TMEFF1: variants seen among roughly 807,000 people sequenced by gnomAD.
TMEFF1 encodes tomoregulin-1.
Under a neutral mutation model 47.5 loss-of-function variants are expected in TMEFF1, and 20 were observed. That is an observed-to-expected ratio of 0.42 (90% confidence interval 0.30 to 0.61). The LOEUF is 0.61. Among genes scored for constraint, TMEFF1 ranks in the 20% least tolerant of loss-of-function variants. The pLI, the probability that TMEFF1 is intolerant of heterozygous loss-of-function variation, is 0.19. For synonymous variants in TMEFF1, 162 were observed against 166.3 expected (o/e 0.97, Z 0.20); for missense variants, 411 against 471.1 (o/e 0.87, Z 1.18).
At chr9:100,558,708 C>G (rs150151645) in intron 7 of TMEFF1, among the ~76,000 whole-genome samples, 1 of 151,944 alleles carries the variant, frequency 6.6e-6, no homozygotes, top group African/African-American at 2.4e-5. Context: ...CAATTTATAA[C>G]TGTTTTTTCT....
chr9:100,488,594 A>T (rs1168394271), intron 1 of TMEFF1, among the ~76,000 whole-genome samples: 1 of 152,222 alleles, frequency 6.6e-6, no homozygotes, highest in East Asian at 1.9e-4. Flanking sequence ...GCTTACACTT[A>T]ATAGAGTACT....
At chr9:100,502,957 C>T (rs779715964) in intron 2 of TMEFF1, among the ~76,000 whole-genome samples, 2 of 152,152 alleles carry the variant, frequency 1.3e-5, no homozygotes, top group Non-Finnish European at 2.9e-5. Flanking sequence ...TGCCTCAGGG[C>T]TTACAGTATA....
At chr9:100,485,158 C>T (rs532571092) in intron 1 of TMEFF1, among the ~76,000 whole-genome samples, 1 of 152,184 alleles carries the variant, frequency 6.6e-6, no homozygotes, top group Admixed American at 6.5e-5. Context: ...ATTTCATTGT[C>T]TCGATAATAC....
chr9:100,480,668 A>C lies in TMEFF1; in HGVS notation c.196+6928A>C, dbSNP rs115146697. Among the ~76,000 whole-genome samples the C allele has an allele frequency of 4.9e-3, 749 of 152,300 alleles. 4 individuals carry two copies. Among genetic ancestry groups the C allele is most frequent in the African/African-American group, 0.017 (703 of 41,558 alleles). Reference sequence around the variant, plus strand: ...ATTATGGGTGTGATTTATCTAAGGAAGTGGGGAACTGTGTTTGGCAGACTT... The same window carrying C: ...ATTATGGGTGTGATTTATCTAAGGACGTGGGGAACTGTGTTTGGCAGACTT... On this transcript the variant is annotated intron_variant, in intron 1 of 9. Transcript: ENST00000374879.
intron 9 of TMEFF1, among the ~76,000 whole-genome samples, chr9:100,575,196 G>A (rs1054072808): frequency 1.3e-5 from 2 of 152,074 alleles, no homozygotes; most frequent in African/African-American, 4.8e-5. Context: ...GACATATACC[G>A]TGGCGGCTGT....
intron 5 of TMEFF1, among the ~76,000 whole-genome samples, chr9:100,533,843 C>T (rs994489934): frequency 1.3e-5 from 2 of 152,144 alleles, no homozygotes; most frequent in Admixed American, 6.5e-5. Context: ...CTCAGCCTCC[C>T]GAGTAGCTGG....
intron 2 of TMEFF1, among the ~76,000 whole-genome samples, chr9:100,501,793 T>A (rs1837767391): frequency 6.6e-6 from 1 of 152,032 alleles, no homozygotes; most frequent in Non-Finnish European, 1.5e-5. Context: ...TGCAGGTGCA[T>A]GCCACCACAC....
chr9:100,528,753 A>C (rs1363003960), intron 5 of TMEFF1, among the ~76,000 whole-genome samples: 1 of 55,420 alleles, frequency 1.8e-5, no homozygotes, highest in East Asian at 4.2e-4. Flanking sequence ...CCACAAAGAT[A>C]CTCCTCGAGA....
At chr9:100,544,404 C>A (rs923615612) in intron 5 of TMEFF1, among the ~76,000 whole-genome samples, 1 of 152,178 alleles carries the variant, frequency 6.6e-6, no homozygotes, top group African/African-American at 2.4e-5. Context: ...AGAGCTTGTG[C>A]AGAGGAACTC....
At chr9:100,540,304 G>A (rs1009945164) in intron 5 of TMEFF1, among the ~76,000 whole-genome samples, 3 of 152,032 alleles carry the variant, frequency 2.0e-5, no homozygotes, top group African/African-American at 2.4e-5. Context: ...TGATTGGTGC[G>A]TTTACAATCC....
chr9:100,552,862 G>GA (rs112571207), intron 7 of TMEFF1, among the ~76,000 whole-genome samples: 25,394 of 145,142 alleles, frequency 0.17, 2,311 homozygotes, highest in South Asian at 0.3. Context: ...ACACTGTTTT[G>GA]GAAAAAAAAA....
chr9:100,538,377 C>T (rs1838560813), intron 5 of TMEFF1, among the ~76,000 whole-genome samples: 2 of 152,156 alleles, frequency 1.3e-5, no homozygotes, highest in South Asian at 2.1e-4. Context: ...TTTAGCAGTA[C>T]AGTCGTCTGT....
intron 9 of TMEFF1, among the ~76,000 whole-genome samples, chr9:100,573,769 G>A (rs191711317): frequency 6.6e-6 from 1 of 152,354 alleles, no homozygotes; most frequent in African/African-American, 2.4e-5. Flanking sequence ...AAAAGAAAAG[G>A]TTCTCCAAGT....
At chr9:100,570,999 A>C (rs1238411504) in intron 8 of TMEFF1, among the ~76,000 whole-genome samples, 1 of 152,202 alleles carries the variant, frequency 6.6e-6, no homozygotes, top group Non-Finnish European at 1.5e-5. Context: ...AATTATCATC[A>C]GCTGATGCAG....
intron 5 of TMEFF1, among the ~76,000 whole-genome samples, chr9:100,534,871 G>A (rs976768041): frequency 1.5e-4 from 23 of 152,004 alleles, no homozygotes; most frequent in African/African-American, 5.1e-4. Flanking sequence ...ATTTTCTTCC[G>A]TTAACCACCA....
chr9:100,508,497 GT>G (rs150845139), intron 2 of TMEFF1, among the ~76,000 whole-genome samples: 2 of 151,358 alleles, frequency 1.3e-5, no homozygotes. Flanking sequence ...TGCAGTATTG[GT>G]TTTTTTTCCT....
At chr9:100,513,195 G>A in intron 3 of TMEFF1, 112 bp from the exon 4 acceptor site, 1 of 1,390,552 alleles carries the variant, frequency 7.2e-7, no homozygotes. Context: ...ATGAGAAAAG[G>A]ACTCTTTGAG....
At position 100,561,534 on chromosome 9, in the gene TMEFF1, T is replaced by G. The variant is rs368691139; in HGVS notation, c.899+14T>G. On this transcript the variant is annotated intron_variant, in intron 8 of 9. Transcript: ENST00000374879. ...GGCTTCTTGTAGGTAAGTCAGCGCT[T>G]CCAGATCAGTGGTGAGCATTTTTTT... The G allele has an allele frequency of 6.2e-7, 1 of 1,608,378 alleles. No individual in the cohort carries two copies. The highest frequency in any genetic ancestry group is 1.3e-5 in the African/African-American group (1 of 74,688).
intron 5 of TMEFF1, among the ~76,000 whole-genome samples, chr9:100,543,560 C>T (rs1287523127): frequency 6.6e-6 from 1 of 151,904 alleles, no homozygotes; most frequent in Non-Finnish European, 1.5e-5. Flanking sequence ...TGAGTTTCTC[C>T]AGAGAAGATT....
Sources: gnomAD v4.1 joint callset for allele counts (sites outside exome capture counted in the v4.1 genomes callset) on GRCh38, gnomAD v4.1.1 for gene constraint, MANE v1.5 for transcripts, NCBI Gene and HGNC (gene_info 2026-07-23, HGNC 2026-07-21) for gene names.